The following ATXN2 variants were observed in gnomAD, a reference collection of about 807,000 sequenced individuals.
The protein encoded by ATXN2 is ataxin-2.
ATXN2 carries 37 observed loss-of-function variants against 138.6 expected under a neutral mutation model. That is an observed-to-expected ratio of 0.27 (90% CI 0.21 to 0.35). The LOEUF is 0.35. ATXN2 is among the 10% of genes least tolerant of loss of function. The probability of loss-of-function intolerance (pLI) is 1.00; values close to 1 mark genes in which losing one functional copy is unlikely to be tolerated. For synonymous variants in ATXN2, 549 were observed against 543.7 expected (o/e 1.01, Z -0.13); for missense variants, 1,216 against 1,480.3 (o/e 0.82, Z 2.93).
At chr12:111,532,853 G>GAAA (rs33992543) in intron 5 of ATXN2, among the ~76,000 whole-genome samples, 90 of 121,744 alleles carry the variant, frequency 7.4e-4, no homozygotes, top group East Asian at 1.9e-3. Context: ...TAGGTTTAAG[G>GAAA]AAAAAAAAAA....
chr12:111,576,569 T>C (rs1158465777), intron 1 of ATXN2, among the ~76,000 whole-genome samples: 1 of 152,002 alleles, frequency 6.6e-6, no homozygotes, highest in Non-Finnish European at 1.5e-5. Flanking sequence ...CTGCAACCTC[T>C]GCCTCCCGGG....
At chr12:111,491,831 A>G (rs1040924693) in intron 14 of ATXN2, among the ~76,000 whole-genome samples, 2 of 152,206 alleles carry the variant, frequency 1.3e-5, no homozygotes, top group African/African-American at 4.8e-5. Context: ...GCTTGAGGTG[A>G]GAGAAGAGTA....
chr12:111,559,073 T>C (rs1387897274), intron 1 of ATXN2, among the ~76,000 whole-genome samples: 1 of 151,594 alleles, frequency 6.6e-6, no homozygotes, highest in Admixed American at 6.6e-5. Context: ...ACTGATACCA[T>C]GAGGTTCCTC....
intron 21 of ATXN2, among the ~76,000 whole-genome samples, chr12:111,458,650 C>T (rs1047906249): frequency 1.3e-5 from 2 of 152,216 alleles, no homozygotes. Context: ...AGCCCATACA[C>T]AGAAATGATT....
chr12:111,487,690 C>T (rs961920745), intron 15 of ATXN2, among the ~76,000 whole-genome samples: 1 of 152,038 alleles, frequency 6.6e-6, no homozygotes, highest in African/African-American at 2.4e-5. Flanking sequence ...AACTCCTAAC[C>T]TCAAGTAATC....
At chr12:111,503,612 TTTTC>T (rs974875419) in intron 14 of ATXN2, among the ~76,000 whole-genome samples, 1 of 152,094 alleles carries the variant, frequency 6.6e-6, no homozygotes, top group African/African-American at 2.4e-5. Context: ...CTCTCTTTTT[TTTTC>T]TTTGAGACAG....
chr12:111,474,863 C>T (rs981897778), intron 18 of ATXN2, among the ~76,000 whole-genome samples: 2 of 151,968 alleles, frequency 1.3e-5, no homozygotes, highest in African/African-American at 4.8e-5. Context: ...GCGGGTGGAT[C>T]ATTTGAGGTC....
rs559797575 is a variant in ATXN2, at chr12:111,472,589, GAC to G, written c.2525-1849_2525-1848del. 7.8e-4 allele frequency among the ~76,000 whole-genome samples: 119 copies of G among 152,210 alleles called. No individual in the cohort carries two copies. The Middle Eastern group carries it at 0.037, about 48-fold the overall frequency. ...ATTTTTATTTATTTATTTTCTTTGA[GAC>G]AGAGTGTCGCTCGGTTGCCCAAGCT... is the stretch of plus-strand genomic sequence containing the variant. On this transcript the variant is annotated intron_variant, in intron 18 of 24. Coordinates refer to ENST00000673436, the MANE Select transcript of ATXN2 (RefSeq NM_001372574.1).
intron 14 of ATXN2, among the ~76,000 whole-genome samples, chr12:111,506,821 G>C (rs1464774755): frequency 6.6e-6 from 1 of 152,028 alleles, no homozygotes; most frequent in Admixed American, 6.5e-5. Flanking sequence ...GCGCCGCCAC[G>C]CCTGACTGGT....
chr12:111,578,181 A>T (rs1352838350), intron 1 of ATXN2, among the ~76,000 whole-genome samples: 1 of 152,172 alleles, frequency 6.6e-6, no homozygotes, highest in African/African-American at 2.4e-5. Context: ...TGGGCGATAG[A>T]GCGAGACTCC....
intron 1 of ATXN2, among the ~76,000 whole-genome samples, chr12:111,567,156 C>T (rs1040503236): frequency 6.6e-6 from 1 of 152,148 alleles, no homozygotes; most frequent in African/African-American, 2.4e-5. Flanking sequence ...GGAATCTACA[C>T]CTGGTGAAGC....
Position 111,485,857 on chromosome 12 carries a change from A to C in ATXN2, c.2313T>G (p.Pro771=), listed in dbSNP as rs1877601849. ...FNPRSFSQPK[P]STTPTSPRPQ... ...GCCGAGGTGAAGTTGGGGTAGTAGA[A>C]GGCTTTGGCTACAAAAACAACAATA... Residue 771 remains proline (P), a synonymous_variant, in exon 17 of 25, where the codon CCT becomes CCG. Coordinates refer to ENST00000673436, the MANE Select transcript of ATXN2 (RefSeq NM_001372574.1). 1.2e-6 allele frequency: 2 copies of C among 1,613,884 alleles called. No individual in the cohort carries two copies. The highest frequency in any genetic ancestry group is 1.7e-6 in the Non-Finnish European group (2 of 1,179,936).
intron 1 of ATXN2, chr12:111,597,957 C>T: frequency 8.1e-7 from 1 of 1,234,672 alleles, no homozygotes; most frequent in Non-Finnish European, 1.0e-6. Context: ...CCTCGAACAG[C>T]AATGCGGATC....
chr12:111,510,463 C>A lies in ATXN2; in HGVS notation c.1678G>T (p.Val560Phe), dbSNP rs1404435114. Residue 560 changes from valine to phenylalanine, a missense_variant, in exon 12 of 25, where the codon GTT becomes TTT. By Grantham distance (50) the Val-to-Phe change is conservative. Transcript: ENST00000673436. ...GATGCAGCTGGAATAGGCATGGCAA[C>A]AGCTTCAGTTGGAATAATACCAGCT... ...PQAGIIPTEAVAMPIPAASPT... is the reference protein window; with the variant it reads ...PQAGIIPTEAFAMPIPAASPT... 2.5e-6 allele frequency: 4 copies of A among 1,614,010 alleles called. No homozygotes were observed. In the Admixed American group the frequency reaches 6.7e-5, roughly 27 times the overall value.
At chr12:111,576,131 A>C (rs1366961686) in intron 1 of ATXN2, among the ~76,000 whole-genome samples, 1 of 118,570 alleles carries the variant, frequency 8.4e-6, no homozygotes, top group East Asian at 2.0e-4. Flanking sequence ...ATAACATAAC[A>C]TAACATCACA....
intron 22 of ATXN2, 37 bp from the exon 23 acceptor site, chr12:111,456,293 C>G (rs753916339): frequency 6.2e-7 from 1 of 1,609,574 alleles, no homozygotes; most frequent in African/African-American, 1.3e-5. Context: ...AGGAAAACTT[C>G]TTTAATGAAA....
chr12:111,468,294 T>C (rs769132082), intron 20 of ATXN2: 2 of 152,226 alleles, frequency 1.3e-5, no homozygotes, highest in African/African-American at 2.4e-5. Flanking sequence ...CCAAGTTAGT[T>C]TGTCAGTATC....
chr12:111,566,854 T>G (rs1170427591), intron 1 of ATXN2, among the ~76,000 whole-genome samples: 1 of 152,114 alleles, frequency 6.6e-6, no homozygotes, highest in Non-Finnish European at 1.5e-5. Flanking sequence ...GCCAGACTGG[T>G]CTTGAACTCC....
intron 15 of ATXN2, 144 bp downstream of exon 15, chr12:111,488,332 G>C (rs1409075360): frequency 2.6e-6 from 2 of 761,486 alleles, no homozygotes; most frequent in East Asian, 5.5e-5. Flanking sequence ...CATTTGTTTG[G>C]ACTAGCTGTT....
Sources: allele counts gnomAD v4.1 joint callset (sites outside exome capture counted in the v4.1 genomes callset), GRCh38; gene constraint gnomAD v4.1.1; transcripts MANE v1.5; gene names NCBI Gene and HGNC (gene_info 2026-07-23, HGNC 2026-07-21).